COL18A1: variants seen among roughly 807,000 people sequenced by gnomAD.
The protein encoded by COL18A1 is collagen type XVIII alpha 1 chain.
Under a neutral mutation model 168.0 loss-of-function variants are expected in COL18A1, and 133 were observed. The ratio of observed to expected loss-of-function variants is 0.79; its 90% confidence interval spans 0.69 to 0.91. COL18A1 has a LOEUF of 0.91. COL18A1 is among the 40% of genes least tolerant of loss of function. COL18A1 has a pLI of 0.00. For missense variants in COL18A1, 2,126 were observed against 1,925.4 expected (o/e 1.10, Z -1.95); for synonymous variants, 949 against 809.0 (o/e 1.17, Z -2.94).
At chr21:45,508,102 GGTGGTCAGGCGGGTGA>G (rs1049704294) in intron 38 of COL18A1, among the ~76,000 whole-genome samples, 17 of 146,264 alleles carry the variant, frequency 1.2e-4, no homozygotes, top group Admixed American at 5.4e-4. Flanking sequence ...GTGGATGGAT[GGTGGTCAGGCGGGTGA>G]GTGGACGGGT....
chr21:45,489,144 G>A (rs114404861), intron 18 of COL18A1, among the ~76,000 whole-genome samples: 230 of 152,318 alleles, frequency 1.5e-3, no homozygotes, highest in African/African-American at 5.1e-3. Flanking sequence ...GCAAGACATC[G>A]GGACACTCAA....
chr21:45,480,394 G>T (rs1233025422), intron 11 of COL18A1, 73 bp from the exon 12 acceptor site: 22 of 1,612,562 alleles, frequency 1.4e-5, no homozygotes, highest in Non-Finnish European at 1.4e-5. Flanking sequence ...GCAGCTTGCG[G>T]GGCAGGGGCC....
intron 2 of COL18A1, chr21:45,456,598 C>T: frequency 1.3e-6 from 2 of 1,541,592 alleles, no homozygotes; most frequent in Non-Finnish European, 1.7e-6. Flanking sequence ...GGCTGCCCAA[C>T]CACCTCCACC....
In COL18A1 at chr21:45,472,160, G is replaced by A. The variant is rs116796682; in HGVS notation, c.652-1735G>A. On this transcript the variant is annotated intron_variant, in intron 3 of 41. Coordinates refer to ENST00000651438, the MANE Select transcript of COL18A1 (RefSeq NM_001379500.1). The stretch of plus-strand genomic sequence containing the variant: ...TGTCAGGAATGCCCAGTCCCTCCCC[G>A]ACACCAAGACCACCCAAGATGCACC... Among the ~76,000 whole-genome samples, 674 of 152,230 alleles carry A rather than the reference G, an allele frequency of 4.4e-3. 9 individuals are homozygous for A. Among genetic ancestry groups the A allele is most frequent in the African/African-American group, 0.016 (648 of 41,548 alleles).
At chr21:45,435,988 G>A (rs2034084826) in intron 2 of COL18A1, among the ~76,000 whole-genome samples, 1 of 152,214 alleles carries the variant, frequency 6.6e-6, no homozygotes, top group Non-Finnish European at 1.5e-5. Flanking sequence ...CCATGGCCCA[G>A]GCAGGGTGGC....
intron 7 of COL18A1, 94 bp from the exon 8 acceptor site, chr21:45,477,656 C>A: frequency 7.4e-7 from 1 of 1,358,480 alleles, no homozygotes; most frequent in Non-Finnish European, 1.0e-6. Context: ...TGGGAAGCAG[C>A]CCAGCCTGGG....
chr21:45,487,032 G>T (rs2036139011), intron 16 of COL18A1, 40 bp downstream of exon 16: 1 of 1,478,228 alleles, frequency 6.8e-7, no homozygotes. Context: ...AGAGCCGGGG[G>T]CTGCCGTTGC....
At chr21:45,444,805 C>T (rs755634422) in intron 2 of COL18A1, among the ~76,000 whole-genome samples, 17 of 152,052 alleles carry the variant, frequency 1.1e-4, no homozygotes, top group Non-Finnish European at 2.1e-4. Flanking sequence ...GTTGATATAG[C>T]CCCTCTAAAA....
intron 16 of COL18A1, 140 bp from the exon 17 acceptor site, chr21:45,487,307 C>T: frequency 2.0e-6 from 2 of 1,003,300 alleles, no homozygotes; most frequent in Non-Finnish European, 3.0e-6. Flanking sequence ...GTAGACAGTC[C>T]CCATCTGAGA....
intron 4 of COL18A1, among the ~76,000 whole-genome samples, chr21:45,474,520 G>A (rs2035568085): frequency 6.6e-6 from 1 of 151,858 alleles, no homozygotes; most frequent in Non-Finnish European, 1.5e-5. Flanking sequence ...TGTCTTGTGT[G>A]TTGTGTCTGC....
Position 45,497,068 on chromosome 21 carries a change from C to A in COL18A1, c.2596C>A (p.Arg866Ser), listed in dbSNP as rs372312684. Residue 866 changes from arginine (R) to serine (S), a missense_variant, in exon 31 of 42, where the codon CGC (arginine) becomes AGC (serine). By Grantham distance (110) the Arg-to-Ser change is moderately radical. Coordinates refer to ENST00000651438, the MANE Select transcript of COL18A1 (RefSeq NM_001379500.1). ...CTTGCAGGTGTTTGCTGAGTCCAGC[C>A]GCCCCGGGCCTCCAGGATTGCCAGG... is the stretch of plus-strand genomic sequence containing the variant. ...YDSNVFAESS[R>S]PGPPGLPGNQ... 2 of 1,601,872 alleles carry A rather than the reference C, an allele frequency of 1.2e-6. No individual in the cohort carries two copies. Among genetic ancestry groups the A allele is most frequent in the African/African-American group, 1.3e-5 (1 of 74,908 alleles).
Position 45,512,874 on chromosome 21 carries a change from G to T in COL18A1, c.*476G>T, listed in dbSNP as rs938131258. 9.7e-5 allele frequency: 24 copies of T among 247,170 alleles called. No individual in the cohort carries two copies. Among genetic ancestry groups the T allele is most frequent in the South Asian group, 7.6e-4 (16 of 21,162 alleles). 15.3% of individuals were successfully genotyped at this position (247,170 alleles called of 1,614,324 possible). A position where few individuals can be genotyped will look rare whatever the true frequency, so the allele number is the denominator to read the frequency against. ...GCCACACTCAGCACAAGGCCATCTG[G>T]GCTCCTCCAGGGTGTGTGCTCGCCC... On this transcript the variant is annotated 3_prime_UTR_variant, in exon 42 of 42. Coordinates refer to ENST00000651438, the MANE Select transcript of COL18A1 (RefSeq NM_001379500.1).
intron 2 of COL18A1, among the ~76,000 whole-genome samples, chr21:45,430,986 CG>C (rs1490196655): frequency 1.3e-5 from 2 of 152,230 alleles, no homozygotes; most frequent in East Asian, 3.9e-4. Context: ...AAATAAGTCC[CG>C]GGGTGCCCTT....
Position 45,488,189 on chromosome 21 carries a change from C to G in COL18A1, c.1897-229C>G, listed in dbSNP as rs78094056. ...CTCAGCCTGTTGAGAGCACGGGTGGCTGGGACACATTTCTTACTTGGAGCA... is the reference window on the plus strand; with the variant it reads ...CTCAGCCTGTTGAGAGCACGGGTGGGTGGGACACATTTCTTACTTGGAGCA... On this transcript the variant is annotated intron_variant, in intron 17 of 41. Coordinates refer to ENST00000651438, the MANE Select transcript of COL18A1 (RefSeq NM_001379500.1). Among the ~76,000 whole-genome samples the G allele has an allele frequency of 0.048, 7,328 of 152,348 alleles. 453 individuals carry two copies. The highest frequency in any genetic ancestry group is 0.14 in the African/African-American group (5,806 of 41,568).
chr21:45,487,147 G>A (rs2036142570), intron 16 of COL18A1, among the ~76,000 whole-genome samples, 155 bp downstream of exon 16: 1 of 152,244 alleles, frequency 6.6e-6, no homozygotes, highest in Non-Finnish European at 1.5e-5. Flanking sequence ...GCATGGTGGG[G>A]CTCGAGTCTC....
chr21:45,503,716 G>A (rs889651897), intron 32 of COL18A1, among the ~76,000 whole-genome samples: 11 of 151,646 alleles, frequency 7.3e-5, no homozygotes, highest in African/African-American at 9.7e-5. Flanking sequence ...CAGCACACCA[G>A]CATGGCACAT....
chr21:45,418,004 T>C (rs896596686), intron 2 of COL18A1, among the ~76,000 whole-genome samples: 2 of 152,230 alleles, frequency 1.3e-5, no homozygotes, highest in African/African-American at 4.8e-5. Flanking sequence ...CCAGTCCTGC[T>C]GCCGCAGGAA....
intron 15 of COL18A1, among the ~76,000 whole-genome samples, chr21:45,484,711 GCA>G (rs1265426806): frequency 1.3e-5 from 2 of 151,918 alleles, no homozygotes; most frequent in East Asian, 1.9e-4. Context: ...TAGCACACAT[GCA>G]CACACATCTC....
At chr21:45,508,141 GGAAAGGTGGGTGAGTGGATA>G (rs1294437988) in intron 38 of COL18A1, among the ~76,000 whole-genome samples, 9 of 151,734 alleles carry the variant, frequency 5.9e-5, no homozygotes, top group African/African-American at 2.2e-4. Flanking sequence ...GTGGGTGGAT[GGAAAGGTGGGTGAGTGGATA>G]GGTAGGTAGC....
Sources: gnomAD v4.1 joint callset for allele counts (sites outside exome capture counted in the v4.1 genomes callset) on GRCh38, gnomAD v4.1.1 for gene constraint, MANE v1.5 for transcripts, NCBI Gene and HGNC (gene_info 2026-07-23, HGNC 2026-07-21) for gene names.